EBF2: variants seen among roughly 807,000 people sequenced by gnomAD.
The protein encoded by EBF2 is EBF transcription factor 2.
A neutral mutation model predicts 72.8 loss-of-function variants in EBF2; 21 were observed. The observed-to-expected ratio is 0.29, with a 90% CI of 0.20 to 0.42. The LOEUF (loss-of-function observed/expected upper bound fraction) is 0.42, where lower values mean the gene tolerates loss of function less well. Among genes scored for constraint, EBF2 ranks in the 10% least tolerant of loss-of-function variants. The pLI, the probability that EBF2 is intolerant of heterozygous loss-of-function variation, is 1.00. For synonymous variants in EBF2, 299 were observed against 274.2 expected, an observed-to-expected ratio of 1.09 and a Z score of -0.89; for missense variants, 637 against 731.2, an observed-to-expected ratio of 0.87 and a Z score of 1.49.
chr8:26,000,818 A>C (rs1248569676), intron 6 of EBF2, among the ~76,000 whole-genome samples: 1 of 152,230 alleles, frequency 6.6e-6, no homozygotes, highest in African/African-American at 2.4e-5. Context: ...AGCCAACAAC[A>C]ATCAACAGGC....
chr8:25,919,412 A>G (rs1585195402), intron 6 of EBF2, among the ~76,000 whole-genome samples: 2 of 152,206 alleles, frequency 1.3e-5, no homozygotes, highest in African/African-American at 4.8e-5. Context: ...TAGAGCAAAT[A>G]GAGAGCTCCC....
At chr8:26,036,894 TA>T (rs368017160) in intron 5 of EBF2, among the ~76,000 whole-genome samples, 99 of 147,270 alleles carry the variant, frequency 6.7e-4, no homozygotes, top group South Asian at 1.3e-3. Context: ...ACTCTAAGAT[TA>T]AAAAAAAAAG....
chr8:25,908,858 TA>T lies in EBF2; in HGVS notation c.552-304del, dbSNP rs557200342. On this transcript the variant is annotated intron_variant, in intron 6 of 15. Coordinates refer to ENST00000520164, the MANE Select transcript of EBF2 (RefSeq NM_022659.4). Reference sequence around the variant, plus strand: ...GAGCACTCGTTCTGGAAAATTTTTTTAAAAAGGCTTCAAATGCAGCAGTGAC... The same window carrying T: ...GAGCACTCGTTCTGGAAAATTTTTTTAAAAGGCTTCAAATGCAGCAGTGAC... Among the ~76,000 whole-genome samples, 293 of 152,198 alleles carry T rather than the reference TA, an allele frequency of 1.9e-3. 2 individuals are homozygous for T. Among genetic ancestry groups the T allele is most frequent in the African/African-American group, 6.7e-3 (279 of 41,510 alleles).
At position 26,040,120 on chromosome 8, in the gene EBF2, C is replaced by A. The variant is rs1233933119; in HGVS notation, c.409-19G>T. On this transcript the variant is annotated intron_variant, in intron 4 of 15. Transcript: ENST00000520164. Reference sequence around the variant, plus strand: ...CGATGGGCTGTGAAGGAGGTAGTGGCAGGAAAGGAAGATGTGGAGAGGGGT... The same window carrying A: ...CGATGGGCTGTGAAGGAGGTAGTGGAAGGAAAGGAAGATGTGGAGAGGGGT... The A allele has an allele frequency of 6.2e-7, 1 of 1,611,098 alleles. No homozygotes were observed. Among genetic ancestry groups the A allele is most frequent in the African/African-American group, 1.3e-5 (1 of 74,822 alleles).
intron 6 of EBF2, among the ~76,000 whole-genome samples, chr8:26,017,970 A>G (rs1805139535): frequency 1.3e-5 from 2 of 152,090 alleles, no homozygotes; most frequent in South Asian, 2.1e-4. Context: ...GCTCTGGGGT[A>G]TGGGGTGATA....
In EBF2 at chr8:25,842,792, A is replaced by C. The variant is rs575620369; in HGVS notation, c.*1817T>G. 1 of 152,346 alleles carries C rather than the reference A, an allele frequency of 6.6e-6. No individual in the cohort carries two copies. The highest frequency in any genetic ancestry group is 2.4e-5 in the African/African-American group (1 of 41,586). The allele number at this position is 152,346 out of a possible 1,614,324, so 9.4% of individuals were successfully genotyped here. On this transcript the variant is annotated 3_prime_UTR_variant, in exon 16 of 16. Coordinates refer to ENST00000520164, the MANE Select transcript of EBF2 (RefSeq NM_022659.4). ...TGGGGCTGGATAGATGTGGGCCTGC[A>C]TCAATGGGTCAAAGAGAAGGTATGC...
intron 6 of EBF2, among the ~76,000 whole-genome samples, chr8:25,998,331 T>A (rs749907833): frequency 6.6e-6 from 1 of 152,130 alleles, no homozygotes; most frequent in Non-Finnish European, 1.5e-5. Context: ...CAGACAAGGA[T>A]ATCAGTGTCA....
At chr8:25,888,073 G>C in intron 8 of EBF2, 101 bp from the exon 9 acceptor site, 1 of 1,319,022 alleles carries the variant, frequency 7.6e-7, no homozygotes, top group South Asian at 1.6e-5. Flanking sequence ...CTTGGGCCAC[G>C]TATAAAATAC....
intron 6 of EBF2, among the ~76,000 whole-genome samples, chr8:25,984,397 C>G (rs1381430218): frequency 6.6e-6 from 1 of 152,168 alleles, no homozygotes; most frequent in Non-Finnish European, 1.5e-5. Flanking sequence ...AAGACCCATT[C>G]GCGGCTGGGC....
Position 25,842,114 on chromosome 8 carries a change from C to T in EBF2, c.*2495G>A, listed in dbSNP as rs1801754201. 6.6e-6 allele frequency: 1 copy of T among 152,180 alleles called. No homozygotes were observed. Among genetic ancestry groups the T allele is most frequent in the African/African-American group, 2.4e-5 (1 of 41,450 alleles). The allele number at this position is 152,180 out of a possible 1,614,324, so 9.4% of individuals were successfully genotyped here. On this transcript the variant is annotated 3_prime_UTR_variant, in exon 16 of 16. Transcript: ENST00000520164. Reference sequence around the variant, plus strand: ...TCTTACACAGCTCCTCTTACAAACACAGGATAGAGTTTGTAGTTACCAATA... The same window carrying T: ...TCTTACACAGCTCCTCTTACAAACATAGGATAGAGTTTGTAGTTACCAATA...
intron 6 of EBF2, among the ~76,000 whole-genome samples, chr8:25,962,940 CA>C (rs1804058158): frequency 6.6e-6 from 1 of 152,222 alleles, no homozygotes; most frequent in African/African-American, 2.4e-5. Context: ...CCTCGCATTA[CA>C]AAGTGGCTGA....
At chr8:26,042,296 CA>C in intron 1 of EBF2, 45 bp from the exon 2 acceptor site, 1 of 1,576,010 alleles carries the variant, frequency 6.3e-7, no homozygotes, top group Non-Finnish European at 8.6e-7. Flanking sequence ...CGGGGAAGCA[CA>C]AAAAGGCGAT....
chr8:26,044,658 G>A lies in EBF2; in HGVS notation c.131+71C>T. On this transcript the variant is annotated intron_variant, in intron 1 of 15. Coordinates refer to ENST00000520164, the MANE Select transcript of EBF2 (RefSeq NM_022659.4). The surrounding 1 kb of genome is among the most constrained non-coding windows in gnomAD (Gnocchi z 4.1). Reference sequence around the variant, plus strand: ...AGAGAGAAAGGCACGGGGTGCGCGGGGGGGGTGCACACGGAGAGACAGACC... The same window carrying A: ...AGAGAGAAAGGCACGGGGTGCGCGGAGGGGGTGCACACGGAGAGACAGACC... 1 of 1,561,412 alleles carries A rather than the reference G, an allele frequency of 6.4e-7. No individual in the cohort carries two copies. Among genetic ancestry groups the A allele is most frequent in the Non-Finnish European group, 8.7e-7 (1 of 1,147,642 alleles).
At position 25,842,387 on chromosome 8, in the gene EBF2, A is replaced by T. The variant is rs964969097; in HGVS notation, c.*2222T>A. Reference sequence around the variant, plus strand: ...CCAAGAAATTCTACAATCATTTTGAAGACAGTACTGCACTCATCTTCATGC... The same window carrying T: ...CCAAGAAATTCTACAATCATTTTGATGACAGTACTGCACTCATCTTCATGC... On this transcript the variant is annotated 3_prime_UTR_variant, in exon 16 of 16. Coordinates refer to ENST00000520164, the MANE Select transcript of EBF2 (RefSeq NM_022659.4). 1.3e-5 allele frequency: 2 copies of T among 152,204 alleles called. No individual in the cohort carries two copies. Among genetic ancestry groups the T allele is most frequent in the African/African-American group, 4.8e-5 (2 of 41,458 alleles). 9.4% of individuals were successfully genotyped at this position (152,204 alleles called of 1,614,324 possible). A position where few individuals can be genotyped will look rare whatever the true frequency, so the allele number is the denominator to read the frequency against.
intron 6 of EBF2, among the ~76,000 whole-genome samples, chr8:25,999,611 G>A (rs953225628): frequency 3.4e-5 from 5 of 146,228 alleles, no homozygotes; most frequent in African/African-American, 1.3e-4. Flanking sequence ...TTTCTTTCAT[G>A]TTTTTACTCT....
chr8:26,004,673 CAAAAAAAAAAAAA>C (rs56848916), intron 6 of EBF2, among the ~76,000 whole-genome samples: 2 of 45,458 alleles, frequency 4.4e-5, no homozygotes, highest in African/African-American at 1.0e-4. Context: ...AGACTGTCTC[CAAAAAAAAAAAAA>C]AAAAAAAAAA....
chr8:25,986,947 T>C (rs190904695), intron 6 of EBF2, among the ~76,000 whole-genome samples: 11 of 152,344 alleles, frequency 7.2e-5, no homozygotes, highest in African/African-American at 2.6e-4. Context: ...CACCTGGCCA[T>C]GACACCCTCA....
At chr8:25,872,626 T>C (rs146347061) in intron 10 of EBF2, among the ~76,000 whole-genome samples, 1 of 152,288 alleles carries the variant, frequency 6.6e-6, no homozygotes, top group East Asian at 1.9e-4. Flanking sequence ...ATTCCAACTT[T>C]CTTCAAGAAT....
chr8:26,027,995 A>G (rs997868766), intron 6 of EBF2, among the ~76,000 whole-genome samples: 12 of 152,180 alleles, frequency 7.9e-5, no homozygotes, highest in African/African-American at 2.9e-4. Flanking sequence ...TTCAGTGGGT[A>G]CAGAGTTTTA....
Sources: allele counts gnomAD v4.1 joint callset (sites outside exome capture counted in the v4.1 genomes callset), GRCh38; gene constraint gnomAD v4.1.1; non-coding constraint Gnocchi (gnomAD v3.1); transcripts MANE v1.5; gene names NCBI Gene and HGNC (gene_info 2026-07-23, HGNC 2026-07-21).